AMPD3: variants seen among roughly 807,000 people sequenced by gnomAD.
AMPD3 encodes adenosine monophosphate deaminase 3, also known as AMP deaminase 3.
In AMPD3, 57 loss-of-function variants were observed where a neutral mutation model predicts 82.3. The ratio of observed to expected loss-of-function variants is 0.69; its 90% confidence interval spans 0.56 to 0.86. The LOEUF (loss-of-function observed/expected upper bound fraction) is 0.86. Among genes scored for constraint, AMPD3 ranks in the 40% least tolerant of loss-of-function variants. The pLI is 0.00. For synonymous variants in AMPD3, 381 were observed against 394.7 expected, an observed-to-expected ratio of 0.97 and a Z score of 0.41; for missense variants, 870 against 1,003.8, an observed-to-expected ratio of 0.87 and a Z score of 1.80.
chr11:10,450,725 A>C, upstream of AMPD3: 1 of 1,098,242 alleles, frequency 9.1e-7, no homozygotes. Context: ...CGGGCGCTTC[A>C]GGTAGCCTCT....
chr11:10,500,760 A>G (rs1034142550), intron 11 of AMPD3: 2 of 985,450 alleles, frequency 2.0e-6, no homozygotes, highest in South Asian at 9.4e-5. Flanking sequence ...GACTAAATCC[A>G]TGCATGCCCT....
chr11:10,478,030 TCTAA>T, intron 2 of AMPD3: 1 of 985,448 alleles, frequency 1.0e-6, no homozygotes, highest in Non-Finnish European at 1.2e-6. Context: ...GCCCCAAATG[TCTAA>T]CTGTGTGAAA....
chr11:10,494,936 C>G lies in AMPD3; in HGVS notation c.1172C>G (p.Ser391Cys), dbSNP rs772445349. ...QTFHRFDKFN[S>C]KYNPVGASEL... Reference sequence around the variant, plus strand: ...TTCCACCGCTTTGACAAGTTCAACTCCAAATACAACCCTGTGGGGGCCAGT... The same window carrying G: ...TTCCACCGCTTTGACAAGTTCAACTGCAAATACAACCCTGTGGGGGCCAGT... The change falls in exon 8 of 15, where the codon TCC (serine) becomes TGC (cysteine). Residue 391 changes from serine to cysteine, a missense_variant. Physicochemically the swap from Ser to Cys is moderately radical, Grantham distance 112. Coordinates refer to ENST00000396553, the MANE Select transcript of AMPD3 (RefSeq NM_001025389.2). 1.2e-6 allele frequency: 2 copies of G among 1,614,110 alleles called. No individual in the cohort carries two copies. Among genetic ancestry groups the G allele is most frequent in the Non-Finnish European group, 1.7e-6 (2 of 1,180,052 alleles).
chr11:10,488,556 C>T (rs960272216), intron 6 of AMPD3: 14 of 438,184 alleles, frequency 3.2e-5, no homozygotes, highest in Middle Eastern at 1.2e-3. Context: ...CGGGGAGCAG[C>T]GGGTTGTGGG....
intron 1 of AMPD3, chr11:10,460,811 G>A: frequency 2.4e-6 from 2 of 829,618 alleles, no homozygotes; most frequent in South Asian, 1.1e-4. Flanking sequence ...CAACCAAGCA[G>A]GTGGTTGAGG....
At chr11:10,499,589 C>A in intron 10 of AMPD3, 1 of 925,838 alleles carries the variant, frequency 1.1e-6, no homozygotes, top group Non-Finnish European at 1.3e-6. Flanking sequence ...GGGCTGGCAG[C>A]CAACCCCTCC....
In AMPD3 at chr11:10,456,665, C is replaced by A; in HGVS notation, c.-6+1217C>A. ...GATGCTGGTGAATTCACAGCTAAGC[C>A]TCCCAAGCCTGCTGGCTTCAGCTGA... On this transcript the variant is annotated intron_variant, in intron 1 of 14. Coordinates refer to ENST00000396553, the MANE Select transcript of AMPD3 (RefSeq NM_001025389.2). This position sits in a 1 kb window ranked among gnomAD's most constrained non-coding sequence, Gnocchi z 4.3. 1.0e-6 allele frequency: 1 copy of A among 955,390 alleles called. No individual in the cohort carries two copies. Among genetic ancestry groups the A allele is most frequent in the Non-Finnish European group, 1.2e-6 (1 of 802,598 alleles). The allele number at this position is 955,390 out of a possible 1,614,324, so 59.2% of individuals were successfully genotyped here.
At chr11:10,487,183 T>C in intron 5 of AMPD3, 52 bp from the exon 6 acceptor site, 2 of 1,612,080 alleles carry the variant, frequency 1.2e-6, no homozygotes, top group South Asian at 2.2e-5. Flanking sequence ...GCCTCCAAAC[T>C]GGAGAGCTCG....
Position 10,456,329 on chromosome 11 carries a change from G to C in AMPD3, c.-6+881G>C, listed in dbSNP as rs973188842. Reference sequence around the variant, plus strand: ...CGCACTGACTCAGCTGAGCCTCCTGGGTGGCAGGCAGCACCTCACCCGGGT... The same window carrying C: ...CGCACTGACTCAGCTGAGCCTCCTGCGTGGCAGGCAGCACCTCACCCGGGT... On this transcript the variant is annotated intron_variant, in intron 1 of 14. Transcript: ENST00000396553. The surrounding 1 kb of genome is among the most constrained non-coding windows in gnomAD (Gnocchi z 4.3). 2 of 1,612,368 alleles carry C rather than the reference G, an allele frequency of 1.2e-6. No homozygotes were observed. Among genetic ancestry groups the C allele is most frequent in the Non-Finnish European group, 1.7e-6 (2 of 1,178,930 alleles).
At chr11:10,486,847 C>T (rs1564849950) in intron 5 of AMPD3, 1 of 985,286 alleles carries the variant, frequency 1.0e-6, no homozygotes, top group Admixed American at 6.1e-5. Context: ...CACTGAGCAT[C>T]CACTCTGCTT....
chr11:10,494,723 C>T (rs925221927), intron 7 of AMPD3, 176 bp from the exon 8 acceptor site: 27 of 985,222 alleles, frequency 2.7e-5, no homozygotes, highest in Admixed American at 6.1e-5. Context: ...CCAAGCTGAC[C>T]GAGTGAGGAT....
In AMPD3 at chr11:10,455,334, T is replaced by A. The variant is rs1034450495; in HGVS notation, c.-120T>A. 2 of 985,144 alleles carry A rather than the reference T, an allele frequency of 2.0e-6. No homozygotes were observed. Among genetic ancestry groups the A allele is most frequent in the African/African-American group, 3.5e-5 (2 of 57,130 alleles). 61.0% of individuals were successfully genotyped at this position (985,144 alleles called of 1,614,324 possible). On this transcript the variant is annotated 5_prime_UTR_variant, in exon 1 of 15. Transcript: ENST00000396553. Reference sequence around the variant, plus strand: ...TGCCATTTTAATCAACCCTGCTTGGTTTTAGAGGATTGCTCCTGTGGGTCA... The same window carrying A: ...TGCCATTTTAATCAACCCTGCTTGGATTTAGAGGATTGCTCCTGTGGGTCA...
chr11:10,504,742 C>T (rs930761838), intron 14 of AMPD3, 83 bp downstream of exon 14: 1 of 1,262,052 alleles, frequency 7.9e-7, no homozygotes, highest in Non-Finnish European at 1.2e-6. Context: ...CACTGGGGAT[C>T]TGTGATGAAC....
upstream of AMPD3, chr11:10,450,700 G>T (rs559569973): frequency 5.0e-4 from 533 of 1,072,696 alleles, no homozygotes; most frequent in African/African-American, 8.3e-3. Context: ...CAAGTTTCCC[G>T]TTGGCGGCGC....
In AMPD3 at chr11:10,501,525, A is replaced by G. The variant is rs201382264; in HGVS notation, c.1777A>G (p.Ile593Val). The G allele has an allele frequency of 1.9e-5, 30 of 1,614,016 alleles. No individual in the cohort carries two copies. The Admixed American group carries it at 2.2e-4, about 12-fold the overall frequency. The change falls in exon 12 of 15, where the codon ATC (isoleucine) becomes GTC (valine). Residue 593 changes from isoleucine to valine, a missense_variant. Physicochemically the swap from Ile to Val is conservative, Grantham distance 29. Transcript: ENST00000396553. ...FRPHCGEAGS[I>V]THLVSAFLTA... ...GCCGCACTGTGGGGAAGCCGGCTCCATCACCCACCTGGTGTCTGCCTTCCT... is the reference window on the plus strand; with the variant it reads ...GCCGCACTGTGGGGAAGCCGGCTCCGTCACCCACCTGGTGTCTGCCTTCCT...
chr11:10,499,692 C>T, intron 10 of AMPD3: 3 of 985,360 alleles, frequency 3.0e-6, no homozygotes, highest in Non-Finnish European at 3.6e-6. Context: ...CCTTTTCCCT[C>T]ATCGCTTGTC....
intron 12 of AMPD3, 106 bp downstream of exon 12, chr11:10,501,696 G>C: frequency 2.5e-6 from 4 of 1,595,024 alleles, no homozygotes; most frequent in Non-Finnish European, 3.4e-6. Context: ...TCTGGGCTGG[G>C]ATGTCTGTCC....
At chr11:10,474,112 C>T (rs890880511) in intron 2 of AMPD3, among the ~76,000 whole-genome samples, 6 of 152,196 alleles carry the variant, frequency 3.9e-5, no homozygotes, top group African/African-American at 1.2e-4. Flanking sequence ...CATCTCATTA[C>T]ACCAACCACA....
At chr11:10,464,096 G>A (rs1355553075) in intron 2 of AMPD3, among the ~76,000 whole-genome samples, 3 of 152,138 alleles carry the variant, frequency 2.0e-5, no homozygotes, top group Admixed American at 6.6e-5. Context: ...ACCTTCATGG[G>A]GTGTTGTGAG....
Sources: gnomAD v4.1 joint callset for allele counts (sites outside exome capture counted in the v4.1 genomes callset) on GRCh38, gnomAD v4.1.1 for gene constraint, Gnocchi (gnomAD v3.1) non-coding constraint, MANE v1.5 for transcripts, NCBI Gene and HGNC (gene_info 2026-07-23, HGNC 2026-07-21) for gene names.